OCA2: variants seen among roughly 807,000 people sequenced by gnomAD.
The protein encoded by OCA2 is P protein.
A neutral mutation model predicts 100.2 loss-of-function variants in OCA2; 77 were observed. The ratio of observed to expected loss-of-function variants is 0.77; its 90% CI spans 0.64 to 0.93. OCA2 has a LOEUF of 0.93. OCA2 is among the 40% of genes least tolerant of loss of function. OCA2 has a pLI of 0.00. For synonymous variants in OCA2, 432 were observed against 439.2 expected, an observed-to-expected ratio of 0.98 and a Z score of 0.21; for missense variants, 1,062 against 1,089.1, an observed-to-expected ratio of 0.98 and a Z score of 0.35.
rs746792663 is a variant in OCA2 at position 27,851,376 on chromosome 15, C to A, written c.2338+6G>T. 1 of 1,613,098 alleles carries A rather than the reference C, an allele frequency of 6.2e-7. No individual in the cohort carries two copies. The highest frequency in any genetic ancestry group is 1.1e-5 in the South Asian group (1 of 90,844). ...CCCCACCCCCATGCAGTCAGCAGCC[C>A]CTTACCTCCCAGGCAAGCACCGAAG... On this transcript the variant is annotated splice_donor_region_variant and intron_variant, in intron 22 of 23. Coordinates refer to ENST00000354638, the MANE Select transcript of OCA2 (RefSeq NM_000275.3).
chr15:27,758,180 A>G (rs897415020), intron 23 of OCA2, among the ~76,000 whole-genome samples: 1 of 152,166 alleles, frequency 6.6e-6, no homozygotes, highest in Non-Finnish European at 1.5e-5. Context: ...GTTTCCCCTC[A>G]TATATCCTGG....
chr15:27,845,085 T>A (rs990839229), intron 22 of OCA2, 33 bp from the exon 23 acceptor site: 2 of 1,488,590 alleles, frequency 1.3e-6, no homozygotes, highest in Admixed American at 3.4e-5. Flanking sequence ...AAATCCCAGT[T>A]CATCTTGGTG....
intron 21 of OCA2, among the ~76,000 whole-genome samples, chr15:27,862,955 T>C (rs1481671260): frequency 6.6e-6 from 1 of 152,216 alleles, no homozygotes; most frequent in African/African-American, 2.4e-5. Flanking sequence ...AAGCTCCTTT[T>C]CCGCTGTGTG....
intron 23 of OCA2, among the ~76,000 whole-genome samples, chr15:27,805,083 G>A (rs1440653903): frequency 6.6e-6 from 1 of 152,184 alleles, no homozygotes; most frequent in African/African-American, 2.4e-5. Context: ...GCCCTGGAGC[G>A]AGTGGTCAGG....
At chr15:27,980,106 A>G (rs988849614) in intron 14 of OCA2, among the ~76,000 whole-genome samples, 1 of 151,886 alleles carries the variant, frequency 6.6e-6, no homozygotes, top group South Asian at 2.1e-4. Flanking sequence ...TCTTTAAACA[A>G]TTATCTCAAA....
intron 2 of OCA2, among the ~76,000 whole-genome samples, chr15:28,070,490 G>T (rs1412722605): frequency 8.4e-6 from 1 of 118,690 alleles, no homozygotes; most frequent in Admixed American, 7.6e-5. Context: ...GGAGGGAGGT[G>T]GGGGGGTCAG....
chr15:27,745,244 A>G, the OCA2 span, among the ~76,000 whole-genome samples: 3 of 152,164 alleles, frequency 2.0e-5, no homozygotes, highest in South Asian at 4.1e-4. Flanking sequence ...CCCTAGGTAC[A>G]ATGCTCGTGT....
chr15:27,878,433 A>G (rs2036878222), intron 19 of OCA2, among the ~76,000 whole-genome samples: 1 of 152,062 alleles, frequency 6.6e-6, no homozygotes, highest in Non-Finnish European at 1.5e-5. Flanking sequence ...CCATCTGAGA[A>G]TGTCTCTCTT....
intron 19 of OCA2, among the ~76,000 whole-genome samples, chr15:27,910,040 G>C (rs1287494345): frequency 6.6e-6 from 1 of 151,888 alleles, no homozygotes; most frequent in African/African-American, 2.4e-5. Flanking sequence ...TCGAAAAACA[G>C]GACACTGACA....
At chr15:27,933,357 T>C (rs1000250214) in intron 18 of OCA2, among the ~76,000 whole-genome samples, 2 of 144,312 alleles carry the variant, frequency 1.4e-5, no homozygotes, top group African/African-American at 5.1e-5. Flanking sequence ...GATTAAGAGA[T>C]TACCAGGGGT....
intron 9 of OCA2, among the ~76,000 whole-genome samples, chr15:27,991,418 G>A (rs944018578): frequency 3.3e-5 from 5 of 152,180 alleles, no homozygotes; most frequent in African/African-American, 7.2e-5. Flanking sequence ...AAGAAAATGC[G>A]GCACAGCTCG....
At chr15:28,018,998 G>A (rs529892698) in intron 6 of OCA2, among the ~76,000 whole-genome samples, 101 of 152,242 alleles carry the variant, frequency 6.6e-4, no homozygotes, top group Non-Finnish European at 1.2e-3. Context: ...GTCAAGCAAC[G>A]CTTATATGAA....
At chr15:27,918,846 T>C (rs2038762477) in intron 19 of OCA2, among the ~76,000 whole-genome samples, 5 of 152,170 alleles carry the variant, frequency 3.3e-5, no homozygotes, top group Admixed American at 3.3e-4. Context: ...TACTGCAGCA[T>C]AACAACGAAT....
At chr15:27,977,662 C>T (rs2041013102) in intron 14 of OCA2, among the ~76,000 whole-genome samples, 1 of 152,198 alleles carries the variant, frequency 6.6e-6, no homozygotes, top group African/African-American at 2.4e-5. Context: ...CCCGAAAGTA[C>T]TGTGGCCAAA....
At chr15:27,779,900 T>C (rs1389292547) in intron 23 of OCA2, among the ~76,000 whole-genome samples, 1 of 152,210 alleles carries the variant, frequency 6.6e-6, no homozygotes, top group African/African-American at 2.4e-5. Flanking sequence ...TATACTGATA[T>C]GCTTTGAATA....
intron 2 of OCA2, among the ~76,000 whole-genome samples, chr15:28,069,457 T>G (rs780283484): frequency 9.4e-6 from 1 of 106,550 alleles, no homozygotes; most frequent in South Asian, 4.0e-4. Context: ...CTCCCTCTCA[T>G]GCGGGGCCGA....
At chr15:27,768,089 G>A (rs565043716) in intron 23 of OCA2, among the ~76,000 whole-genome samples, 1 of 152,236 alleles carries the variant, frequency 6.6e-6, no homozygotes, top group Non-Finnish European at 1.5e-5. Context: ...GTGACCTGGC[G>A]CAGGGAGGGC....
At chr15:27,744,752 A>T in the OCA2 span, among the ~76,000 whole-genome samples, 72 of 152,282 alleles carry the variant, frequency 4.7e-4, 1 homozygote, top group African/African-American at 1.7e-3. Flanking sequence ...TGTCAACAAG[A>T]AATAAACTTC....
At chr15:28,028,148 G>T in intron 3 of OCA2, 89 bp from the exon 4 acceptor site, 1 of 1,426,558 alleles carries the variant, frequency 7.0e-7, no homozygotes, top group Non-Finnish European at 9.8e-7. Flanking sequence ...GTGTGAAATG[G>T]CACCGAATCA....
Sources: allele counts gnomAD v4.1 joint callset (sites outside exome capture counted in the v4.1 genomes callset), GRCh38; gene constraint gnomAD v4.1.1; transcripts MANE v1.5; gene names NCBI Gene and HGNC (gene_info 2026-07-23, HGNC 2026-07-21).